CAMTA1: variants seen among roughly 807,000 people sequenced by gnomAD.
The protein encoded by CAMTA1 is calmodulin-binding transcription activator 1.
A neutral mutation model predicts 170.9 loss-of-function variants in CAMTA1; 27 were observed. The observed-to-expected ratio is 0.16, with a 90% CI of 0.12 to 0.22. The LOEUF is 0.22. Among genes scored for constraint, CAMTA1 ranks in the 10% least tolerant of loss-of-function variants. The pLI, the probability that CAMTA1 is intolerant of heterozygous loss-of-function variation, is 1.00. For synonymous variants in CAMTA1, 833 were observed against 891.5 expected (o/e 0.93, Z 1.17); for missense variants, 1,619 against 2,217.2 (o/e 0.73, Z 5.42).
intron 3 of CAMTA1, among the ~76,000 whole-genome samples, chr1:6,880,963 A>G (rs1381949947): frequency 1.3e-5 from 2 of 152,182 alleles, no homozygotes; most frequent in Non-Finnish European, 2.9e-5. Flanking sequence ...AATAACAGTA[A>G]TTGCGTGCTT....
At chr1:7,171,265 A>G (rs993488785) in intron 4 of CAMTA1, among the ~76,000 whole-genome samples, 1 of 152,206 alleles carries the variant, frequency 6.6e-6, no homozygotes. Flanking sequence ...TGAGCTGTTC[A>G]GAGTATGTGC....
chr1:7,271,074 A>C (rs781360080), intron 5 of CAMTA1, among the ~76,000 whole-genome samples: 2 of 152,206 alleles, frequency 1.3e-5, no homozygotes, highest in Non-Finnish European at 2.9e-5. Flanking sequence ...TACATGCTGA[A>C]TACATAAGCC....
chr1:7,460,560 G>A (rs935308135), intron 5 of CAMTA1, among the ~76,000 whole-genome samples: 1 of 150,772 alleles, frequency 6.6e-6, no homozygotes, highest in African/African-American at 2.5e-5. Context: ...CGGCCCAGCT[G>A]GTCCAGGATG....
At chr1:7,167,404 T>C (rs533312608) in intron 4 of CAMTA1, among the ~76,000 whole-genome samples, 58 of 152,318 alleles carry the variant, frequency 3.8e-4, no homozygotes, top group African/African-American at 1.4e-3. Flanking sequence ...TGCCTGTGCG[T>C]AGATCTGTTT....
Position 7,639,009 on chromosome 1 carries a change from C to T in CAMTA1, c.511-1391C>T, listed in dbSNP as rs560471556. Reference sequence around the variant, plus strand: ...CCTTTTTATTTTTGAGACAGAGTCTCGCTCTGTTGCCCAGGCTGGAGTGCA... The same window carrying T: ...CCTTTTTATTTTTGAGACAGAGTCTTGCTCTGTTGCCCAGGCTGGAGTGCA... On this transcript the variant is annotated intron_variant, in intron 6 of 22. Coordinates refer to ENST00000303635, the MANE Select transcript of CAMTA1 (RefSeq NM_015215.4). Among the ~76,000 whole-genome samples the T allele has an allele frequency of 1.8e-4, 28 of 152,250 alleles. 1 individual carries two copies. The East Asian group carries it at 2.7e-3, about 15-fold the overall frequency.
intron 4 of CAMTA1, among the ~76,000 whole-genome samples, chr1:7,152,142 T>G (rs992707779): frequency 1.4e-4 from 21 of 152,316 alleles, no homozygotes; most frequent in Admixed American, 5.9e-4. Flanking sequence ...AGTCATTAGC[T>G]CTGACCTCAG....
chr1:7,665,044 C>T lies in CAMTA1; in HGVS notation c.2497C>T (p.Leu833=), dbSNP rs764120808. 1.3e-6 allele frequency: 2 copies of T among 1,580,270 alleles called. No individual in the cohort carries two copies. The highest frequency in any genetic ancestry group is 1.7e-6 in the Non-Finnish European group (2 of 1,162,126). ...CCSPQQGSLQ[L]SSSEGGASTM... is the part of the protein sequence containing the mutation. The stretch of plus-strand genomic sequence containing the variant: ...TAGCCCCCAGCAGGGTAGCCTGCAG[C>T]TGAGCAGCTCGGAGGGCGGGGCCAG... Residue 833 remains leucine, a synonymous_variant, in exon 9 of 23, where the codon CTG becomes TTG. Coordinates refer to ENST00000303635, the MANE Select transcript of CAMTA1 (RefSeq NM_015215.4). The surrounding 1 kb of genome is among the most constrained non-coding windows in gnomAD (Gnocchi z 4.3).
intron 5 of CAMTA1, among the ~76,000 whole-genome samples, chr1:7,417,499 G>GC (rs145391966): frequency 1 from 152,360 of 152,360 alleles, 76,180 homozygotes; most frequent in Non-Finnish European, 1. Context: ...CCCCAGCCTT[G>GC]TGCCGCCTTG....
intron 5 of CAMTA1, among the ~76,000 whole-genome samples, chr1:7,306,769 G>A (rs562402441): frequency 9.9e-5 from 15 of 151,936 alleles, no homozygotes; most frequent in African/African-American, 1.4e-4. Flanking sequence ...ATATGTGACC[G>A]CAGTACAATC....
chr1:6,966,602 T>A (rs1352869149), intron 3 of CAMTA1, among the ~76,000 whole-genome samples: 1 of 129,646 alleles, frequency 7.7e-6, no homozygotes, highest in Non-Finnish European at 1.6e-5. Context: ...CCCTAAACAC[T>A]TTTGAAACCT....
intron 3 of CAMTA1, among the ~76,000 whole-genome samples, chr1:6,986,795 G>A (rs1295055581): frequency 6.6e-6 from 1 of 152,086 alleles, no homozygotes; most frequent in Non-Finnish European, 1.5e-5. Flanking sequence ...AATGCAGGGA[G>A]CAAACCTCCC....
chr1:6,887,965 C>T lies in CAMTA1; in HGVS notation c.234+62755C>T, dbSNP rs934805619. 4.7e-5 allele frequency: 59 copies of T among 1,247,566 alleles called. No homozygotes were observed. Among genetic ancestry groups the T allele is most frequent in the South Asian group, 4.6e-4 (25 of 54,000 alleles). The allele number at this position is 1,247,566 out of a possible 1,614,324, so 77.3% of individuals were successfully genotyped here. A position where few individuals can be genotyped will look rare whatever the true frequency, so the allele number is the denominator to read the frequency against. On this transcript the variant is annotated intron_variant, in intron 3 of 22. Transcript: ENST00000303635. The surrounding 1 kb of genome is among the most constrained non-coding windows in gnomAD (Gnocchi z 4.1). ...TCTGGAGAGCAGGGCTCTGTGCACACGCCTCCTGGTCCAGAGGCCTCCGTG... is the reference window on the plus strand; with the variant it reads ...TCTGGAGAGCAGGGCTCTGTGCACATGCCTCCTGGTCCAGAGGCCTCCGTG...
intron 5 of CAMTA1, among the ~76,000 whole-genome samples, chr1:7,301,834 C>T (rs1674812360): frequency 1.3e-5 from 2 of 152,146 alleles, no homozygotes; most frequent in African/African-American, 2.4e-5. Context: ...AGCACAGAGG[C>T]CTCCACCTGT....
In CAMTA1 at chr1:7,736,578, C is replaced by T. The variant is rs774226289; in HGVS notation, c.3263+38C>T. On this transcript the variant is annotated intron_variant, in intron 13 of 22. Coordinates refer to ENST00000303635, the MANE Select transcript of CAMTA1 (RefSeq NM_015215.4). This position sits in a 1 kb window ranked among gnomAD's most constrained non-coding sequence, Gnocchi z 4.5. ...TGCAGCTGGCTGGGGGTCAGCCTCG[C>T]ACATCCTCGCTCACATTCTTCCTGA... The T allele has an allele frequency of 1.9e-6, 3 of 1,587,928 alleles. No individual in the cohort carries two copies. Among genetic ancestry groups the T allele is most frequent in the Non-Finnish European group, 2.6e-6 (3 of 1,156,990 alleles).
intron 4 of CAMTA1, among the ~76,000 whole-genome samples, chr1:7,101,440 G>A (rs1374634542): frequency 6.6e-6 from 1 of 152,210 alleles, no homozygotes; most frequent in East Asian, 1.9e-4. Context: ...GTTCTGGGCT[G>A]GAGATTCTCC....
rs1177487454 is a variant in CAMTA1, at chr1:7,715,574, A to T, written c.2915-16874A>T. ...CAGCCTCCCAAAGCGCTGGGATTAC[A>T]GGTGTAGCCACTGTGCCAGCCACAT... On this transcript the variant is annotated intron_variant, in intron 11 of 22. Transcript: ENST00000303635. Among the ~76,000 whole-genome samples, 3 of 152,122 alleles carry T rather than the reference A, an allele frequency of 2.0e-5. No individual in the cohort carries two copies. The East Asian group carries it at 5.8e-4, about 29-fold the overall frequency.
chr1:7,062,073 A>G (rs1708304267), intron 3 of CAMTA1, among the ~76,000 whole-genome samples: 1 of 151,972 alleles, frequency 6.6e-6, no homozygotes, highest in Non-Finnish European at 1.5e-5. Flanking sequence ...GCCCGCCACC[A>G]CGCACGGCTA....
At chr1:7,416,388 C>G (rs1422633771) in intron 5 of CAMTA1, among the ~76,000 whole-genome samples, 1 of 152,206 alleles carries the variant, frequency 6.6e-6, no homozygotes, top group Non-Finnish European at 1.5e-5. Flanking sequence ...CCGTCACTTT[C>G]AGGCACACCA....
chr1:7,687,917 G>A (rs573033071), intron 11 of CAMTA1, among the ~76,000 whole-genome samples: 56 of 151,790 alleles, frequency 3.7e-4, no homozygotes, highest in African/African-American at 1.3e-3. Flanking sequence ...CTGGGTGCAA[G>A]AATCGTGCAG....
Sources: allele counts gnomAD v4.1 joint callset (sites outside exome capture counted in the v4.1 genomes callset), GRCh38; gene constraint gnomAD v4.1.1; non-coding constraint Gnocchi (gnomAD v3.1); transcripts MANE v1.5; gene names NCBI Gene and HGNC (gene_info 2026-07-23, HGNC 2026-07-21).